Variants in PLEKHH1 observed in about 807,000 individuals in gnomAD.
PLEKHH1 encodes pleckstrin homology, MyTH4 and FERM domain containing H1, also known as pleckstrin homology domain-containing family H member 1.
In PLEKHH1, 104 loss-of-function variants were observed where a neutral mutation model predicts 160.0. The ratio of observed to expected loss-of-function variants is 0.65; its 90% CI spans 0.55 to 0.76. The LOEUF is 0.76. Among genes scored for constraint, PLEKHH1 ranks in the 30% least tolerant of loss-of-function variants. The pLI is 0.00. For synonymous variants in PLEKHH1, 619 were observed against 678.4 expected (o/e 0.91, Z 1.36); for missense variants, 1,427 against 1,724.1 (o/e 0.83, Z 3.05).
At position 67,587,213 on chromosome 14, in the gene PLEKHH1, C is replaced by T; in HGVS notation, c.4073C>T (p.Thr1358Ile). 1 of 1,613,808 alleles carries T rather than the reference C, an allele frequency of 6.2e-7. No individual in the cohort carries two copies. The highest frequency in any genetic ancestry group is 8.5e-7 in the Non-Finnish European group (1 of 1,179,794). The change falls in exon 29 of 29, where the codon ACC becomes ATC. Residue 1358 changes from threonine (T) to isoleucine (I), a missense_variant. By Grantham distance (89) the Thr-to-Ile change is moderately conservative. This residue lies in a region of PLEKHH1 where 96 missense variants were observed against 97.6 expected (regional missense o/e 0.98). Coordinates refer to ENST00000329153, the MANE Select transcript of PLEKHH1 (RefSeq NM_020715.3). ...RQFFSSVSCA[T>I]KGPTLL ...TTCTTTTCTTCTGTTTCCTGTGCTA[C>T]CAAGGGGCCAACGTTGCTGTGAATA...
Position 67,562,378 on chromosome 14 carries a change from A to G in PLEKHH1, c.747A>G (p.Thr249=), listed in dbSNP as rs2140419922. The G allele has an allele frequency of 6.2e-7, 1 of 1,613,552 alleles. No homozygotes were observed. Among genetic ancestry groups the G allele is most frequent in the African/African-American group, 1.3e-5 (1 of 75,044 alleles). ...CCAGCACGGTCCATTCTGGGGAAACAGTAGAGGCCAAGCCCCTTCAACCTC... is the reference window on the plus strand; with the variant it reads ...CCAGCACGGTCCATTCTGGGGAAACGGTAGAGGCCAAGCCCCTTCAACCTC... The part of the protein sequence containing the change: ...SSSSTVHSGE[T]VEAKPLQPHL... The change falls in exon 7 of 29, where the codon ACA becomes ACG. Residue 249 remains threonine (T), a synonymous_variant. Coordinates refer to ENST00000329153, the MANE Select transcript of PLEKHH1 (RefSeq NM_020715.3).
intron 2 of PLEKHH1, among the ~76,000 whole-genome samples, chr14:67,544,627 GAA>G (rs2034106008): frequency 1.3e-5 from 2 of 152,298 alleles, no homozygotes; most frequent in African/African-American, 4.8e-5. Context: ...ACGTAACAAA[GAA>G]AATGAAAGCA....
rs1389696190 is a variant in PLEKHH1, at chr14:67,562,548, C to G, written c.917C>G (p.Pro306Arg). 1.1e-5 allele frequency: 17 copies of G among 1,609,002 alleles called. No homozygotes were observed. The highest frequency in any genetic ancestry group is 1.4e-5 in the Non-Finnish European group (16 of 1,176,026). ...AAGACCTCTGCCAGGGAAGGTGGTC[C>G]TGGCAGCAGTCTGACCCTACCAAAG... ...GTKTSAREGG[P>R]GSSLTLPKVR... The change falls in exon 7 of 29, where the codon CCT becomes CGT. Residue 306 changes from proline (P) to arginine (R), a missense_variant. Pro to Arg is a moderately radical substitution (Grantham distance 103). This residue lies in a region of PLEKHH1 where 831 missense variants were observed against 929.2 expected (regional missense o/e 0.89). Transcript: ENST00000329153.
intron 23 of PLEKHH1, 131 bp downstream of exon 23, chr14:67,581,169 A>C (rs565461235): frequency 1.6e-6 from 1 of 639,516 alleles, no homozygotes; most frequent in South Asian, 1.8e-5. Flanking sequence ...CCTGGCAGTC[A>C]CTAGCTGGGG....
Position 67,569,942 on chromosome 14 carries a change from T to G in PLEKHH1, c.1364T>G (p.Val455Gly). 1 of 1,609,738 alleles carries G rather than the reference T, an allele frequency of 6.2e-7. No homozygotes were observed. Among genetic ancestry groups the G allele is most frequent in the Non-Finnish European group, 8.5e-7 (1 of 1,177,598 alleles). The change falls in exon 9 of 29, where the codon GTT becomes GGT. Residue 455 changes from valine (V) to glycine (G), a missense_variant. Around this residue, in one of 6 missense-constraint regions of PLEKHH1, gnomAD observed 831 missense variants for 929.2 expected, o/e 0.89. Coordinates refer to ENST00000329153, the MANE Select transcript of PLEKHH1 (RefSeq NM_020715.3). ...TCAGCTTCAAGCCCTCCTGCCCTTG[T>G]TTCCCCTGGGTCTTTCTCTGGCCTG... is the stretch of plus-strand genomic sequence containing the variant. Reference protein sequence around the residue: ...ACCASSPPALVSPGSFSGLVY... With the variant: ...ACCASSPPALGSPGSFSGLVY...
intron 1 of PLEKHH1, among the ~76,000 whole-genome samples, chr14:67,537,316 C>G (rs1331438398): frequency 6.8e-6 from 1 of 147,874 alleles, no homozygotes; most frequent in Non-Finnish European, 1.5e-5. Flanking sequence ...TGTACTCCAG[C>G]CTGGGTGACA....
intron 7 of PLEKHH1, chr14:67,568,903 T>C (rs1432798330): frequency 1.8e-5 from 9 of 500,862 alleles, no homozygotes; most frequent in Non-Finnish European, 2.1e-5. Flanking sequence ...TAAATGCTTA[T>C]GTTAAGTATT....
chr14:67,546,639 C>A (rs1383296378), intron 2 of PLEKHH1, among the ~76,000 whole-genome samples: 1 of 152,238 alleles, frequency 6.6e-6, no homozygotes, highest in African/African-American at 2.4e-5. Flanking sequence ...ATCCACCCGC[C>A]TCAGCCTCCC....
chr14:67,540,424 A>C (rs2033917562), intron 1 of PLEKHH1, among the ~76,000 whole-genome samples: 1 of 152,052 alleles, frequency 6.6e-6, no homozygotes, highest in African/African-American at 2.4e-5. Flanking sequence ...CCAGGAGTTC[A>C]AGACCAGCCT....
At chr14:67,562,943 AACACT>A in intron 7 of PLEKHH1, 49 bp downstream of exon 7, 1 of 1,563,976 alleles carries the variant, frequency 6.4e-7, no homozygotes, top group Non-Finnish European at 8.7e-7. Context: ...TAATGGCAAG[AACACT>A]GCTGGCTGAG....
rs749793452 is a variant in PLEKHH1, at chr14:67,573,404, C to T, written c.1839+18C>T. 2.9e-6 allele frequency: 4 copies of T among 1,401,052 alleles called. No individual in the cohort carries two copies. Among genetic ancestry groups the T allele is most frequent in the South Asian group, 2.3e-5 (2 of 86,826 alleles). 86.8% of individuals were successfully genotyped at this position (1,401,052 alleles called of 1,614,324 possible). A position where few individuals can be genotyped will look rare whatever the true frequency, so the allele number is the denominator to read the frequency against. ...AGTCCCCGGTGAGAGTCTCCCCGCC[C>T]AGCACTGCAGTCAAAAGGTCTCCAC... is the stretch of plus-strand genomic sequence containing the variant. On this transcript the variant is annotated intron_variant, in intron 12 of 28. Transcript: ENST00000329153. The surrounding 1 kb of genome is among the most constrained non-coding windows in gnomAD (Gnocchi z 4.8).
chr14:67,579,517 C>G (rs2035789571), intron 21 of PLEKHH1: 1 of 639,138 alleles, frequency 1.6e-6, no homozygotes. Flanking sequence ...AGGAGGGACC[C>G]AGGTATGCCC....
chr14:67,550,026 G>C (rs1478383873), intron 2 of PLEKHH1, among the ~76,000 whole-genome samples: 1 of 152,156 alleles, frequency 6.6e-6, no homozygotes, highest in Non-Finnish European at 1.5e-5. Flanking sequence ...GCCCAGAGAG[G>C]TTCTGGGGTT....
intron 5 of PLEKHH1, 69 bp from the exon 6 acceptor site, chr14:67,561,885 A>T: frequency 8.4e-7 from 1 of 1,185,148 alleles, no homozygotes; most frequent in Non-Finnish European, 1.2e-6. Context: ...AAAAAAAAAA[A>T]AGAATTGAAA....
At chr14:67,585,338 T>G in intron 26 of PLEKHH1, 1 of 513,926 alleles carries the variant, frequency 1.9e-6, no homozygotes, top group Non-Finnish European at 3.5e-6. Context: ...GCCTCTGCCT[T>G]TGAGATGGTT....
At chr14:67,534,319 C>G (rs954869568) in intron 1 of PLEKHH1, among the ~76,000 whole-genome samples, 5 of 152,150 alleles carry the variant, frequency 3.3e-5, no homozygotes, top group African/African-American at 1.2e-4. Flanking sequence ...TGGCTTATGC[C>G]TGTAATCCCA....
Position 67,579,164 on chromosome 14 carries a change from C to T in PLEKHH1, c.2880C>T (p.Cys960=). Reference sequence around the variant, plus strand: ...AAACTGGCCAGTATGCCACCTACTGCCAGCGGGCAGTGGAGCGGACCCTGC... The same window carrying T: ...AAACTGGCCAGTATGCCACCTACTGTCAGCGGGCAGTGGAGCGGACCCTGC... ...RSETGQYATY[C]QRAVERTLRT... is the part of the protein sequence containing the mutation. The change falls in exon 21 of 29, where the codon TGC becomes TGT. Residue 960 remains cysteine, a synonymous_variant. Coordinates refer to ENST00000329153, the MANE Select transcript of PLEKHH1 (RefSeq NM_020715.3). 1.2e-6 allele frequency: 2 copies of T among 1,606,970 alleles called. No homozygotes were observed. Among genetic ancestry groups the T allele is most frequent in the Non-Finnish European group, 1.7e-6 (2 of 1,177,878 alleles).
rs1240581535 is a variant in PLEKHH1, at chr14:67,588,439, G to A, written c.*1204G>A. On this transcript the variant is annotated 3_prime_UTR_variant, in exon 29 of 29. Coordinates refer to ENST00000329153, the MANE Select transcript of PLEKHH1 (RefSeq NM_020715.3). Reference sequence around the variant, plus strand: ...AAACTTCTGCTGGGAATTAGTTTGAGGGTGAGGGTACATATGTGACATTTG... The same window carrying A: ...AAACTTCTGCTGGGAATTAGTTTGAAGGTGAGGGTACATATGTGACATTTG... 6.6e-6 allele frequency: 1 copy of A among 152,414 alleles called. No individual in the cohort carries two copies. Among genetic ancestry groups the A allele is most frequent in the Non-Finnish European group, 1.5e-5 (1 of 68,030 alleles). The allele number at this position is 152,414 out of a possible 1,614,324, so 9.4% of individuals were successfully genotyped here. A position where few individuals can be genotyped will look rare whatever the true frequency, so the allele number is the denominator to read the frequency against.
intron 10 of PLEKHH1, 87 bp from the exon 11 acceptor site, chr14:67,572,048 G>A: frequency 6.6e-7 from 1 of 1,503,902 alleles, no homozygotes. Flanking sequence ...CCGGGTCCCG[G>A]GTGGGTGGTC....
Sources: gnomAD v4.1 joint callset for allele counts (sites outside exome capture counted in the v4.1 genomes callset) on GRCh38, gnomAD v4.1.1 for gene constraint, gnomAD v4.1.1 regional missense constraint, Gnocchi (gnomAD v3.1) non-coding constraint, MANE v1.5 for transcripts, NCBI Gene and HGNC (gene_info 2026-07-23, HGNC 2026-07-21) for gene names.